Variants in KCNC1 observed in about 807,000 individuals in gnomAD.
KCNC1 encodes the protein voltage-gated potassium channel KCNC1.
KCNC1 carries 8 observed loss-of-function variants against 43.4 expected under a neutral mutation model. The ratio of observed to expected loss-of-function variants is 0.18; its 90% CI spans 0.11 to 0.33. KCNC1 has a LOEUF of 0.33. Among genes scored for constraint, KCNC1 ranks in the 10% least tolerant of loss-of-function variants. The probability of loss-of-function intolerance (pLI) is 1.00; values close to 1 mark genes in which losing one functional copy is unlikely to be tolerated. For missense variants in KCNC1, 420 were observed against 836.0 expected (o/e 0.50, Z 6.14); for synonymous variants, 361 against 360.5 (o/e 1.00, Z -0.01).
chr11:17,748,184 C>T (rs148830509), intron 1 of KCNC1, among the ~76,000 whole-genome samples: 43 of 152,178 alleles, frequency 2.8e-4, no homozygotes, highest in African/African-American at 8.4e-4. Flanking sequence ...TTAACTCGTG[C>T]GGCAGGGAAG....
At position 17,777,890 on chromosome 11, in the gene KCNC1, C is replaced by T. The variant is rs989618978; in HGVS notation, c.1505-1566C>T. On this transcript the variant is annotated intron_variant, in intron 2 of 3. Coordinates refer to ENST00000265969, the MANE Select transcript of KCNC1 (RefSeq NM_001112741.2). This position sits in a 1 kb window ranked among gnomAD's most constrained non-coding sequence, Gnocchi z 4.3. Reference sequence around the variant, plus strand: ...CGGGCGGTAATCCCACCCACGTGCACGCCCAGCGTGTGCACGTGGGGAAGG... The same window carrying T: ...CGGGCGGTAATCCCACCCACGTGCATGCCCAGCGTGTGCACGTGGGGAAGG... 12 of 980,524 alleles carry T rather than the reference C, an allele frequency of 1.2e-5. No homozygotes were observed. In the South Asian group the frequency reaches 2.4e-4, roughly 19 times the overall value. The allele number at this position is 980,524 out of a possible 1,614,324, so 60.7% of individuals were successfully genotyped here.
In KCNC1 at chr11:17,735,312, G is replaced by C. The variant is rs1049063312; in HGVS notation, c.-691G>C. ...GGGCGGGCGGGCAGGCGGGCCCGCCGCCGGGGGGAGCAGGCAGCCAAGCAA... is the reference window on the plus strand; with the variant it reads ...GGGCGGGCGGGCAGGCGGGCCCGCCCCCGGGGGGAGCAGGCAGCCAAGCAA... On this transcript the variant is annotated 5_prime_UTR_variant, in exon 1 of 4. Transcript: ENST00000265969. The surrounding 1 kb of genome is among the most constrained non-coding windows in gnomAD (Gnocchi z 6.7). 2.1e-4 allele frequency: 32 copies of C among 151,074 alleles called. No individual in the cohort carries two copies. The highest frequency in any genetic ancestry group is 7.0e-4 in the African/African-American group (29 of 41,462). 9.4% of individuals were successfully genotyped at this position (151,074 alleles called of 1,614,324 possible).
At chr11:17,752,383 T>A (rs1393824724) in intron 1 of KCNC1, among the ~76,000 whole-genome samples, 1 of 152,184 alleles carries the variant, frequency 6.6e-6, no homozygotes, top group Non-Finnish European at 1.5e-5. Context: ...GGTGTGCCGC[T>A]AACTGCTCAT....
At chr11:17,778,660 G>A (rs1269526358) in intron 2 of KCNC1, among the ~76,000 whole-genome samples, 1 of 152,220 alleles carries the variant, frequency 6.6e-6, no homozygotes, top group Non-Finnish European at 1.5e-5. Context: ...TGGTCAAATT[G>A]GGTCTGCATG....
At chr11:17,762,861 A>G (rs969129670) in intron 1 of KCNC1, among the ~76,000 whole-genome samples, 6 of 152,132 alleles carry the variant, frequency 3.9e-5, no homozygotes, top group African/African-American at 1.4e-4. Flanking sequence ...ACCTCCCCCG[A>G]GGACCTCCTC....
rs1353043214 is a variant in KCNC1 at position 17,735,881 on chromosome 11, TC to T, written c.-116del. The T allele has an allele frequency of 3.0e-5, 35 of 1,170,344 alleles. No individual in the cohort carries two copies. Among genetic ancestry groups the T allele is most frequent in the Non-Finnish European group, 3.5e-5 (31 of 887,032 alleles). The allele number at this position is 1,170,344 out of a possible 1,614,324, so 72.5% of individuals were successfully genotyped here. ...GGTGGCCAGAGCCGCAGGCCTCTGTTCCCCCCGACGGCTGGGGGGAGGGGGG... is the reference window on the plus strand; with the variant it reads ...GGTGGCCAGAGCCGCAGGCCTCTGTTCCCCCGACGGCTGGGGGGAGGGGGG... On this transcript the variant is annotated 5_prime_UTR_variant, in exon 1 of 4. Coordinates refer to ENST00000265969, the MANE Select transcript of KCNC1 (RefSeq NM_001112741.2). The surrounding 1 kb of genome is among the most constrained non-coding windows in gnomAD (Gnocchi z 6.7).
intron 1 of KCNC1, among the ~76,000 whole-genome samples, chr11:17,759,530 G>A (rs777404416): frequency 3.9e-5 from 6 of 152,110 alleles, no homozygotes; most frequent in African/African-American, 7.2e-5. Flanking sequence ...CTCACTAAGC[G>A]TAATCATTTC....
rs984947764 is a variant in KCNC1 at position 17,776,119 on chromosome 11, A to T, written c.1505-3337A>T. The stretch of plus-strand genomic sequence containing the variant: ...TTGTCCTCAGGTGGGCTGTGGGGGA[A>T]GTAGCGGAGAAATGAAGTGACGCCA... On this transcript the variant is annotated intron_variant, in intron 2 of 3. Transcript: ENST00000265969. This position sits in a 1 kb window ranked among gnomAD's most constrained non-coding sequence, Gnocchi z 4.4. The T allele has an allele frequency of 3.0e-6, 3 of 985,392 alleles. No individual in the cohort carries two copies. Among genetic ancestry groups the T allele is most frequent in the Non-Finnish European group, 3.6e-6 (3 of 829,972 alleles). The allele number at this position is 985,392 out of a possible 1,614,324, so 61.0% of individuals were successfully genotyped here.
At chr11:17,749,903 C>T (rs535422946) in intron 1 of KCNC1, among the ~76,000 whole-genome samples, 30 of 152,320 alleles carry the variant, frequency 2.0e-4, no homozygotes, top group African/African-American at 5.3e-4. Context: ...TAGGAGAATC[C>T]GTCAGACCAG....
At position 17,776,222 on chromosome 11, in the gene KCNC1, C is replaced by G. The variant is rs1379129580; in HGVS notation, c.1505-3234C>G. Reference sequence around the variant, plus strand: ...CTCTCTCTCCACTAATCATGTTTCTCTCTCTCTCCTCGTTTTGTTGCATGA... The same window carrying G: ...CTCTCTCTCCACTAATCATGTTTCTGTCTCTCTCCTCGTTTTGTTGCATGA... On this transcript the variant is annotated intron_variant, in intron 2 of 3. Coordinates refer to ENST00000265969, the MANE Select transcript of KCNC1 (RefSeq NM_001112741.2). This position sits in a 1 kb window ranked among gnomAD's most constrained non-coding sequence, Gnocchi z 4.4. 8.1e-6 allele frequency: 8 copies of G among 985,304 alleles called. No homozygotes were observed. Among genetic ancestry groups the G allele is most frequent in the Non-Finnish European group, 8.4e-6 (7 of 829,956 alleles). 61.0% of individuals were successfully genotyped at this position (985,304 alleles called of 1,614,324 possible). A position where few individuals can be genotyped will look rare whatever the true frequency, so the allele number is the denominator to read the frequency against.
At chr11:17,757,414 A>G (rs1849034781) in intron 1 of KCNC1, among the ~76,000 whole-genome samples, 2 of 152,162 alleles carry the variant, frequency 1.3e-5, no homozygotes, top group Admixed American at 1.3e-4. Context: ...ATGACCCCAG[A>G]GGGCAGACCT....
In KCNC1 at chr11:17,781,357, G is replaced by A. The variant is rs994467759; in HGVS notation, c.1694-313G>A. 5.8e-5 allele frequency: 19 copies of A among 325,478 alleles called. No homozygotes were observed. Among genetic ancestry groups the A allele is most frequent in the Admixed American group, 3.3e-4 (7 of 21,120 alleles). The allele number at this position is 325,478 out of a possible 1,614,324, so 20.2% of individuals were successfully genotyped here. ...GTCCCCACCTACATCCATTCGGCCC[G>A]CGCTCTCATGGAGCCACGACAGCCG... is the stretch of plus-strand genomic sequence containing the variant. On this transcript the variant is annotated intron_variant, in intron 3 of 3. Transcript: ENST00000265969. This position sits in a 1 kb window ranked among gnomAD's most constrained non-coding sequence, Gnocchi z 5.1.
intron 1 of KCNC1, among the ~76,000 whole-genome samples, chr11:17,767,703 G>A (rs1849169976): frequency 6.6e-6 from 1 of 152,234 alleles, no homozygotes; most frequent in South Asian, 2.1e-4. Context: ...TGTAACAGAG[G>A]AAGATCAGGC....
rs1327149317 is a variant in KCNC1 at position 17,739,662 on chromosome 11, C to T, written c.570+3090C>T. Among the ~76,000 whole-genome samples, 4 of 131,142 alleles carry T rather than the reference C, an allele frequency of 3.1e-5. No individual in the cohort carries two copies. Among genetic ancestry groups the T allele is most frequent in the East Asian group, 2.3e-4 (1 of 4,406 alleles). 86.0% of individuals were successfully genotyped at this position (131,142 alleles called of 152,430 possible). A position where few individuals can be genotyped will look rare whatever the true frequency, so the allele number is the denominator to read the frequency against. ...AGTGTGAAACTGTATATGTGGAGCTCATGTGTGAGTCTGTGTGTGTGTGTG... is the reference window on the plus strand; with the variant it reads ...AGTGTGAAACTGTATATGTGGAGCTTATGTGTGAGTCTGTGTGTGTGTGTG... On this transcript the variant is annotated intron_variant, in intron 1 of 3. Coordinates refer to ENST00000265969, the MANE Select transcript of KCNC1 (RefSeq NM_001112741.2). The surrounding 1 kb of genome is among the most constrained non-coding windows in gnomAD (Gnocchi z 4.2).
In KCNC1 at chr11:17,781,787, G is replaced by A; in HGVS notation, c.*53G>A. The A allele has an allele frequency of 8.0e-7, 1 of 1,248,296 alleles. No homozygotes were observed. Among genetic ancestry groups the A allele is most frequent in the Non-Finnish European group, 1.1e-6 (1 of 870,304 alleles). 77.3% of individuals were successfully genotyped at this position (1,248,296 alleles called of 1,614,324 possible). A position where few individuals can be genotyped will look rare whatever the true frequency, so the allele number is the denominator to read the frequency against. On this transcript the variant is annotated 3_prime_UTR_variant, in exon 4 of 4. Transcript: ENST00000265969. This position sits in a 1 kb window ranked among gnomAD's most constrained non-coding sequence, Gnocchi z 5.1. ...GGCTATTAAGCATCTGGGTGGACCT[G>A]CAGCCCCTCCTCACCCTCGGACAGA... is the stretch of plus-strand genomic sequence containing the variant.
At chr11:17,769,493 G>T (rs1249682924) in intron 1 of KCNC1, among the ~76,000 whole-genome samples, 9 of 152,022 alleles carry the variant, frequency 5.9e-5, no homozygotes, top group African/African-American at 2.2e-4. Context: ...AGGATGAATG[G>T]ATGGCAGGGA....
intron 1 of KCNC1, among the ~76,000 whole-genome samples, chr11:17,747,326 G>A (rs1378734183): frequency 6.6e-6 from 1 of 152,192 alleles, no homozygotes; most frequent in Non-Finnish European, 1.5e-5. Context: ...CCCCAGGTGT[G>A]GCAGGGTATA....
chr11:17,770,014 A>G (rs1849205178), intron 1 of KCNC1, among the ~76,000 whole-genome samples: 1 of 152,242 alleles, frequency 6.6e-6, no homozygotes, highest in African/African-American at 2.4e-5. Context: ...CCCTCAACAC[A>G]GAATGTGGTT....
In KCNC1 at chr11:17,776,404, G is replaced by T; in HGVS notation, c.1505-3052G>T. 2 of 985,390 alleles carry T rather than the reference G, an allele frequency of 2.0e-6. No individual in the cohort carries two copies. The highest frequency in any genetic ancestry group is 2.4e-6 in the Non-Finnish European group (2 of 829,940). 61.0% of individuals were successfully genotyped at this position (985,390 alleles called of 1,614,324 possible). On this transcript the variant is annotated intron_variant, in intron 2 of 3. Transcript: ENST00000265969. This position sits in a 1 kb window ranked among gnomAD's most constrained non-coding sequence, Gnocchi z 4.4. ...CCCAACCCACCCCAGCCCCGCGTGC[G>T]CCCCTCCGGTGCCCGCAGCTGGTGT...
Sources: allele counts gnomAD v4.1 joint callset (sites outside exome capture counted in the v4.1 genomes callset), GRCh38; gene constraint gnomAD v4.1.1; non-coding constraint Gnocchi (gnomAD v3.1); transcripts MANE v1.5; gene names NCBI Gene and HGNC (gene_info 2026-07-23, HGNC 2026-07-21).